AGAP1: variants seen among roughly 807,000 people sequenced by gnomAD.
AGAP1 encodes ArfGAP with GTPase domain, ankyrin repeat and PH domain 1.
AGAP1 carries 29 observed loss-of-function variants against 105.3 expected under a neutral mutation model. The ratio of observed to expected loss-of-function variants is 0.28; its 90% confidence interval spans 0.21 to 0.38. AGAP1 has a LOEUF of 0.38. Ranked by LOEUF, AGAP1 falls within the 10% of genes least tolerant of loss-of-function variation. AGAP1 has a pLI of 1.00. For synonymous variants in AGAP1, 509 were observed against 485.9 expected, an observed-to-expected ratio of 1.05 and a Z score of -0.63; for missense variants, 998 against 1,165.1, an observed-to-expected ratio of 0.86 and a Z score of 2.09.
Position 235,660,044 on chromosome 2 carries a change from G to T in AGAP1, c.164-49135G>T, listed in dbSNP as rs72973275. 0.016 allele frequency among the ~76,000 whole-genome samples: 2,421 copies of T among 152,306 alleles called. 31 individuals are homozygous for T. The highest frequency in any genetic ancestry group is 0.023 in the Non-Finnish European group (1,576 of 68,034). ...CCTGAAGTGAAGCAGCTGCCACCAGGCTGGCTTTTCCCAGGCAGTCACACT... is the reference window on the plus strand; with the variant it reads ...CCTGAAGTGAAGCAGCTGCCACCAGTCTGGCTTTTCCCAGGCAGTCACACT... On this transcript the variant is annotated intron_variant, in intron 1 of 17. Transcript: ENST00000304032. This position sits in a 1 kb window ranked among gnomAD's most constrained non-coding sequence, Gnocchi z 5.3.
intron 13 of AGAP1, among the ~76,000 whole-genome samples, chr2:236,034,707 C>T (rs899414564): frequency 1.3e-5 from 2 of 152,178 alleles, no homozygotes; most frequent in Non-Finnish European, 1.5e-5. Flanking sequence ...GTCTCAGTGC[C>T]GACACCCCAA....
rs1951115139 is a variant in AGAP1 at position 235,716,546 on chromosome 2, A to C, written c.223-1011A>C. 6.6e-6 allele frequency among the ~76,000 whole-genome samples: 1 copy of C among 152,138 alleles called. No individual in the cohort carries two copies. The highest frequency in any genetic ancestry group is 2.4e-5 in the African/African-American group (1 of 41,432). ...GGAATGGCAGGTGGCCTTAATGAGC[A>C]CCTGTGCCTGGGGATGGGTGCCTTG... is the stretch of plus-strand genomic sequence containing the variant. On this transcript the variant is annotated intron_variant, in intron 2 of 17. Coordinates refer to ENST00000304032, the MANE Select transcript of AGAP1 (RefSeq NM_001037131.3). The surrounding 1 kb of genome is among the most constrained non-coding windows in gnomAD (Gnocchi z 4.0).
chr2:236,105,282 T>C lies in AGAP1; in HGVS notation c.2115-14910T>C, dbSNP rs974012880. Among the ~76,000 whole-genome samples the C allele has an allele frequency of 2.6e-5, 4 of 151,968 alleles. No individual in the cohort carries two copies. The highest frequency in any genetic ancestry group is 9.7e-5 in the African/African-American group (4 of 41,366). ...TGCATGCACACAGTCTTGCGTCAAC[T>C]TCAGTTTTAACACGATAGCCAGGTA... On this transcript the variant is annotated intron_variant, in intron 16 of 17. Coordinates refer to ENST00000304032, the MANE Select transcript of AGAP1 (RefSeq NM_001037131.3). This position sits in a 1 kb window ranked among gnomAD's most constrained non-coding sequence, Gnocchi z 4.2.
chr2:235,892,161 A>AG (rs934641920), intron 10 of AGAP1, among the ~76,000 whole-genome samples: 6 of 152,080 alleles, frequency 3.9e-5, no homozygotes, highest in Non-Finnish European at 8.8e-5. Context: ...TCAAAAAAAA[A>AG]AAAAAGTCCT....
At chr2:235,670,842 AGC>A (rs1297270203) in intron 1 of AGAP1, 3 of 1,359,380 alleles carry the variant, frequency 2.2e-6, no homozygotes, top group African/African-American at 1.6e-5. Context: ...CAGCGGCTGG[AGC>A]GCGCGCGGGC....
chr2:236,103,573 T>G (rs1373886648), intron 16 of AGAP1, among the ~76,000 whole-genome samples: 3 of 151,852 alleles, frequency 2.0e-5, no homozygotes, highest in Non-Finnish European at 4.4e-5. Context: ...TCTTTTCTTC[T>G]TTTTTTTCCC....
chr2:235,799,219 C>T lies in AGAP1; in HGVS notation c.802-148C>T. The T allele has an allele frequency of 1.2e-6, 1 of 806,700 alleles. No individual in the cohort carries two copies. Among genetic ancestry groups the T allele is most frequent in the East Asian group, 2.6e-5 (1 of 38,068 alleles). 50.0% of individuals were successfully genotyped at this position (806,700 alleles called of 1,614,324 possible). On this transcript the variant is annotated intron_variant, in intron 7 of 17. Transcript: ENST00000304032. The surrounding 1 kb of genome is among the most constrained non-coding windows in gnomAD (Gnocchi z 5.0). Reference sequence around the variant, plus strand: ...ACTCTGTAGACATGACACTAATACACCTGGCAAAGCCATAGACGCAAGTCA... The same window carrying T: ...ACTCTGTAGACATGACACTAATACATCTGGCAAAGCCATAGACGCAAGTCA...
At position 235,741,027 on chromosome 2, in the gene AGAP1, A is replaced by G. The variant is rs144424571; in HGVS notation, c.375A>G (p.Glu125=). ...GQSYLLLIRD[E]GGPPEAQFAM... ...GCTATCTGCTGCTGATCAGAGATGAAGGGGGCCCCCCGGAGGCGCAGGTGA... is the reference window on the plus strand; with the variant it reads ...GCTATCTGCTGCTGATCAGAGATGAGGGGGGCCCCCCGGAGGCGCAGGTGA... The change falls in exon 4 of 18, where the codon GAA becomes GAG. Residue 125 remains glutamate, a synonymous_variant. Transcript: ENST00000304032. The surrounding 1 kb of genome is among the most constrained non-coding windows in gnomAD (Gnocchi z 4.9). 2.9e-4 allele frequency: 466 copies of G among 1,614,084 alleles called. No individual in the cohort carries two copies. The African/African-American group carries it at 5.8e-3, about 20-fold the overall frequency.
chr2:235,686,588 C>CACACACACACACACATAT (rs1553605459), intron 1 of AGAP1, among the ~76,000 whole-genome samples: 15 of 108,508 alleles, frequency 1.4e-4, no homozygotes, highest in African/African-American at 4.4e-4. Flanking sequence ...CACACACACA[C>CACACACACACACACATAT]GTGTGTGTGT....
In AGAP1 at chr2:235,739,626, G is replaced by T. The variant is rs903592353; in HGVS notation, c.311-1337G>T. ...AGATTTATTTGCTTTAGCAAATGCGGCTGCCTGTGATGGTGGCATAGGTGT... is the reference window on the plus strand; with the variant it reads ...AGATTTATTTGCTTTAGCAAATGCGTCTGCCTGTGATGGTGGCATAGGTGT... On this transcript the variant is annotated intron_variant, in intron 3 of 17. Transcript: ENST00000304032. The surrounding 1 kb of genome is among the most constrained non-coding windows in gnomAD (Gnocchi z 5.3). Among the ~76,000 whole-genome samples the T allele has an allele frequency of 3.9e-5, 6 of 152,280 alleles. No individual in the cohort carries two copies. The highest frequency in any genetic ancestry group is 7.3e-5 in the Non-Finnish European group (5 of 68,054).
intron 1 of AGAP1, among the ~76,000 whole-genome samples, chr2:235,654,625 C>T (rs535272797): frequency 2.0e-5 from 3 of 152,310 alleles, no homozygotes; most frequent in East Asian, 3.9e-4. Context: ...GACGGTGACA[C>T]ATTTAAAGTG....
At chr2:235,910,012 C>G (rs1032920375) in intron 11 of AGAP1, among the ~76,000 whole-genome samples, 3 of 80,230 alleles carry the variant, frequency 3.7e-5, no homozygotes, top group African/African-American at 1.4e-4. Context: ...CAGCGAGACT[C>G]TATCTCAAAA....
rs1170304109 is a variant in AGAP1 at position 235,893,328 on chromosome 2, T to G, written c.1155+9879T>G. 1.3e-5 allele frequency among the ~76,000 whole-genome samples: 2 copies of G among 148,220 alleles called. No individual in the cohort carries two copies. Among genetic ancestry groups the G allele is most frequent in the Non-Finnish European group, 3.0e-5 (2 of 67,134 alleles). On this transcript the variant is annotated intron_variant, in intron 10 of 17. Coordinates refer to ENST00000304032, the MANE Select transcript of AGAP1 (RefSeq NM_001037131.3). The surrounding 1 kb of genome is among the most constrained non-coding windows in gnomAD (Gnocchi z 4.7). ...GCGCAGGTGTGCCGTGTCTGTGGCA[T>G]GGGTGTGGCTTGTCTGTGGTGTGGG...
rs75916262 is a variant in AGAP1, at chr2:235,843,314, A to G, written c.1050+35983A>G. On this transcript the variant is annotated intron_variant, in intron 9 of 17. Coordinates refer to ENST00000304032, the MANE Select transcript of AGAP1 (RefSeq NM_001037131.3). The surrounding 1 kb of genome is among the most constrained non-coding windows in gnomAD (Gnocchi z 5.9). ...CTGCCTCCCCTTTCTCACCCACACA[A>G]TTCTTTCCTTCCCTCCCTCTGTCCC... Among the ~76,000 whole-genome samples, 2,405 of 151,552 alleles carry G rather than the reference A, an allele frequency of 0.016. 54 individuals carry two copies. Among genetic ancestry groups the G allele is most frequent in the African/African-American group, 0.055 (2,271 of 41,330 alleles).
chr2:235,598,083 C>G (rs1448788935), intron 1 of AGAP1, among the ~76,000 whole-genome samples: 1 of 149,682 alleles, frequency 6.7e-6, no homozygotes, highest in East Asian at 2.0e-4. Context: ...CACGCGCTCC[C>G]GTGTTTCCTT....
chr2:235,856,484 T>C (rs1307590160), intron 9 of AGAP1, among the ~76,000 whole-genome samples: 1 of 152,232 alleles, frequency 6.6e-6, no homozygotes, highest in Non-Finnish European at 1.5e-5. Context: ...ACCTGTGTGC[T>C]TAAACTTGGG....
chr2:235,514,611 C>CA (rs1231657937), intron 1 of AGAP1, among the ~76,000 whole-genome samples: 2 of 152,272 alleles, frequency 1.3e-5, no homozygotes, highest in Non-Finnish European at 2.9e-5. Flanking sequence ...CTGATGCCTT[C>CA]ACAACCCAGC....
intron 3 of AGAP1, among the ~76,000 whole-genome samples, chr2:235,738,808 T>C (rs1260296862): frequency 1.3e-5 from 2 of 152,166 alleles, no homozygotes; most frequent in Non-Finnish European, 2.9e-5. Context: ...TCCACCTGCC[T>C]CGGCCTCCCA....
At chr2:235,496,594 G>A (rs1244536311) in intron 1 of AGAP1, among the ~76,000 whole-genome samples, 1 of 152,214 alleles carries the variant, frequency 6.6e-6, no homozygotes, top group Non-Finnish European at 1.5e-5. Flanking sequence ...GAAGGCACCT[G>A]GCTGAGAGCC....
Sources: gnomAD v4.1 joint callset for allele counts (sites outside exome capture counted in the v4.1 genomes callset) on GRCh38, gnomAD v4.1.1 for gene constraint, Gnocchi (gnomAD v3.1) non-coding constraint, MANE v1.5 for transcripts, NCBI Gene and HGNC (gene_info 2026-07-23, HGNC 2026-07-21) for gene names.